The following CGGBP1 variants were observed in gnomAD, a reference collection of about 807,000 sequenced individuals.
CGGBP1 encodes CGG triplet repeat-binding protein 1.
Under a neutral mutation model 11.4 loss-of-function variants are expected in CGGBP1, and 4 were observed. The ratio of observed to expected loss-of-function variants is 0.35; its 90% CI spans 0.17 to 0.80. The LOEUF is 0.80. CGGBP1 is among the 30% of genes least tolerant of loss of function. The pLI is 0.52. For missense variants in CGGBP1, 135 were observed against 202.1 expected (o/e 0.67, Z 2.01); for synonymous variants, 76 against 74.1 (o/e 1.03, Z -0.13).
chr3:88,085,648 C>G (rs1279471847), intron 2 of CGGBP1, among the ~76,000 whole-genome samples: 2 of 152,130 alleles, frequency 1.3e-5, no homozygotes, highest in Non-Finnish European at 2.9e-5. Flanking sequence ...ATTGTCATCT[C>G]CATTTTATGG....
Position 88,055,369 on chromosome 3 carries a change from G to A in CGGBP1, c.*104C>T, listed in dbSNP as rs183364758. ...TATACACATTGCAAAACTATTCTGC[G>A]TCACATGATTTTAAATGAAATAAAT... On this transcript the variant is annotated 3_prime_UTR_variant, in exon 4 of 4. Transcript: ENST00000482016. The surrounding 1 kb of genome is among the most constrained non-coding windows in gnomAD (Gnocchi z 4.2). 3,955 of 1,151,754 alleles carry A rather than the reference G, an allele frequency of 3.4e-3. 6 individuals are homozygous for A. The highest frequency in any genetic ancestry group is 4.2e-3 in the Non-Finnish European group (3,506 of 832,074). 71.3% of individuals were successfully genotyped at this position (1,151,754 alleles called of 1,614,324 possible). A position where few individuals can be genotyped will look rare whatever the true frequency, so the allele number is the denominator to read the frequency against.
chr3:88,140,064 T>A (rs1488980960), intron 2 of CGGBP1: 1 of 1,613,632 alleles, frequency 6.2e-7, no homozygotes, highest in Non-Finnish European at 8.5e-7. Flanking sequence ...ATTTGAAGAT[T>A]CTCAACATTT....
chr3:88,097,878 C>T (rs1427192752), intron 2 of CGGBP1, among the ~76,000 whole-genome samples: 1 of 152,088 alleles, frequency 6.6e-6, no homozygotes, highest in Non-Finnish European at 1.5e-5. Flanking sequence ...CAAGAGAAAG[C>T]AGGAAAGATC....
chr3:88,136,547 G>T (rs1051083860), intron 2 of CGGBP1, among the ~76,000 whole-genome samples: 5 of 152,100 alleles, frequency 3.3e-5, no homozygotes, highest in African/African-American at 1.2e-4. Flanking sequence ...TGACATGAGG[G>T]TAGTACTAAC....
At chr3:88,094,490 T>TCCCACC (rs1703939710) in intron 2 of CGGBP1, among the ~76,000 whole-genome samples, 2 of 152,128 alleles carry the variant, frequency 1.3e-5, no homozygotes, top group Admixed American at 1.3e-4. Flanking sequence ...ACATTAGTAT[T>TCCCACC]TATATCAGAA....
intron 2 of CGGBP1, chr3:88,140,663 T>A (rs1430776081): frequency 6.2e-7 from 1 of 1,613,736 alleles, no homozygotes; most frequent in South Asian, 1.1e-5. Context: ...TGAAAATTGA[T>A]ACAAACAGAA....
chr3:88,059,395 G>T (rs1390041704), upstream of CGGBP1: 2 of 1,535,040 alleles, frequency 1.3e-6, no homozygotes, highest in South Asian at 1.2e-5. Context: ...GTCCCCGCTG[G>T]GCCCTGTGGG....
At chr3:88,083,831 C>T (rs1464217807) in intron 2 of CGGBP1, among the ~76,000 whole-genome samples, 3 of 151,996 alleles carry the variant, frequency 2.0e-5, no homozygotes, top group Non-Finnish European at 4.4e-5. Context: ...AGATGTGGTG[C>T]TTACTGCCTT....
At chr3:88,137,951 T>C (rs1264956772) in intron 2 of CGGBP1, among the ~76,000 whole-genome samples, 1 of 152,128 alleles carries the variant, frequency 6.6e-6, no homozygotes, top group African/African-American at 2.4e-5. Context: ...CCAATCAAAA[T>C]AAGCCTTTAG....
intron 2 of CGGBP1, chr3:88,135,177 C>T: frequency 2.0e-6 from 3 of 1,478,862 alleles, no homozygotes; most frequent in South Asian, 2.7e-5. Flanking sequence ...GTCATATTTC[C>T]TTTCATGAAA....
chr3:88,098,747 T>C (rs1382464121), intron 2 of CGGBP1, among the ~76,000 whole-genome samples: 1 of 152,130 alleles, frequency 6.6e-6, no homozygotes, highest in Non-Finnish European at 1.5e-5. Flanking sequence ...ATTATCTCAA[T>C]AGATGCAGAA....
chr3:88,126,093 C>T, intron 2 of CGGBP1: 4 of 1,410,314 alleles, frequency 2.8e-6, no homozygotes, highest in South Asian at 1.6e-5. Flanking sequence ...AGTTTTTAAC[C>T]CCTTTAAATT....
chr3:88,126,907 C>G (rs1034786500), intron 2 of CGGBP1, among the ~76,000 whole-genome samples: 2 of 152,136 alleles, frequency 1.3e-5, no homozygotes, highest in Non-Finnish European at 2.9e-5. Context: ...CTGCATATTT[C>G]TTTGATATCA....
intron 2 of CGGBP1, among the ~76,000 whole-genome samples, chr3:88,066,130 A>T (rs1325555197): frequency 1.3e-5 from 2 of 152,340 alleles, no homozygotes; most frequent in Non-Finnish European, 2.9e-5. Context: ...ATGCTTTTTT[A>T]AAAAAATGAA....
chr3:88,076,395 A>C (rs2107631261), intron 2 of CGGBP1, among the ~76,000 whole-genome samples: 1 of 152,104 alleles, frequency 6.6e-6, no homozygotes. Context: ...TTCATCTTTA[A>C]GTACAGTTAC....
At chr3:88,056,069 A>C in intron 3 of CGGBP1, 70 bp from the exon 4 acceptor site, 2 of 1,200,848 alleles carry the variant, frequency 1.7e-6, no homozygotes, top group Non-Finnish European at 2.3e-6. Context: ...GAACAATAAA[A>C]GGCAGTATAT....
At position 88,138,914 on chromosome 3, in the gene CGGBP1, C is replaced by T. The variant is rs1410619171; in HGVS notation, c.-229+2056G>A. The T allele has an allele frequency of 5.7e-6, 7 of 1,235,014 alleles. No homozygotes were observed. The Admixed American group carries it at 2.9e-4, about 51-fold the overall frequency. 76.5% of individuals were successfully genotyped at this position (1,235,014 alleles called of 1,614,324 possible). On this transcript the variant is annotated intron_variant, in intron 2 of 3. Transcript: ENST00000462901. Reference sequence around the variant, plus strand: ...CGTATCGTACTGTTGAAGAGCTTTACAAACGTCCAGATGAAGAATATAATG... The same window carrying T: ...CGTATCGTACTGTTGAAGAGCTTTATAAACGTCCAGATGAAGAATATAATG...
chr3:88,116,559 T>TGCACACACACAC (rs1553698264), intron 2 of CGGBP1, among the ~76,000 whole-genome samples: 1 of 146,558 alleles, frequency 6.8e-6, no homozygotes, highest in African/African-American at 2.5e-5. Context: ...CATACATATA[T>TGCACACACACAC]ATACACACAC....
chr3:88,074,412 G>C (rs1242925851), intron 2 of CGGBP1, among the ~76,000 whole-genome samples: 1 of 148,592 alleles, frequency 6.7e-6, no homozygotes, highest in Admixed American at 6.8e-5. Context: ...CTTGATCTCA[G>C]CTCACTGCAA....
Sources: allele counts gnomAD v4.1 joint callset (sites outside exome capture counted in the v4.1 genomes callset), GRCh38; gene constraint gnomAD v4.1.1; non-coding constraint Gnocchi (gnomAD v3.1); transcripts MANE v1.5; gene names NCBI Gene and HGNC (gene_info 2026-07-23, HGNC 2026-07-21).